Variants in SBK1 observed in about 807,000 individuals in gnomAD.
SBK1 encodes the protein SH3 domain binding kinase 1, also known as serine/threonine-protein kinase SBK1.
In SBK1, 11 loss-of-function variants were observed where a neutral mutation model predicts 24.4. The ratio of observed to expected loss-of-function variants is 0.45; its 90% CI spans 0.28 to 0.75. The LOEUF (loss-of-function observed/expected upper bound fraction) is 0.75. SBK1 is among the 30% of genes least tolerant of loss of function. The probability of loss-of-function intolerance (pLI) is 0.12; values close to 1 mark genes in which losing one functional copy is unlikely to be tolerated. For missense variants in SBK1, 467 were observed against 620.5 expected, an observed-to-expected ratio of 0.75 and a Z score of 2.63; for synonymous variants, 308 against 284.4, an observed-to-expected ratio of 1.08 and a Z score of -0.83.
intron 1 of SBK1, among the ~76,000 whole-genome samples, chr16:28,260,149 G>A (rs879540629): frequency 2.0e-5 from 3 of 152,206 alleles, no homozygotes; most frequent in South Asian, 2.1e-4. Context: ...GTGTGGCTGC[G>A]TGACTGGGTA....
At chr16:28,270,186 A>G (rs577902728) in intron 1 of SBK1, among the ~76,000 whole-genome samples, 26 of 151,610 alleles carry the variant, frequency 1.7e-4, no homozygotes, top group Middle Eastern at 3.4e-3. Flanking sequence ...CTCAGCCTCA[A>G]GAGTAGCTGG....
upstream of SBK1, among the ~76,000 whole-genome samples, chr16:28,289,827 C>T (rs904957520): frequency 2.7e-5 from 4 of 147,518 alleles, no homozygotes; most frequent in Non-Finnish European, 6.0e-5. Flanking sequence ...GGCTCACACT[C>T]GCAATCCCAG....
chr16:28,277,217 G>C (rs1469614465), intron 1 of SBK1, among the ~76,000 whole-genome samples: 1 of 151,870 alleles, frequency 6.6e-6, no homozygotes, highest in African/African-American at 2.4e-5. Flanking sequence ...TCTGAGGTTT[G>C]TACCCCACAA....
chr16:28,276,044 C>T (rs958622329), intron 1 of SBK1, among the ~76,000 whole-genome samples: 3 of 152,096 alleles, frequency 2.0e-5, no homozygotes, highest in East Asian at 1.9e-4. Flanking sequence ...GCCACTGAAG[C>T]GGATGGAAGA....
chr16:28,311,100 G>A (rs555257672), intron 1 of SBK1, among the ~76,000 whole-genome samples: 173 of 152,192 alleles, frequency 1.1e-3, no homozygotes, highest in Non-Finnish European at 1.4e-3. Context: ...AAGAAGGAGG[G>A]AGGGGACAGT....
Position 28,320,928 on chromosome 16 carries a change from T to C in SBK1, c.*7T>C. ...CATCGAGATCTGCGTCTGAGTCGCC[T>C]CCGCCGCCCTCGGACCCGGGAGCAG... On this transcript the variant is annotated 3_prime_UTR_variant, in exon 4 of 4. Transcript: ENST00000341901. This position sits in a 1 kb window ranked among gnomAD's most constrained non-coding sequence, Gnocchi z 8.5. The C allele has an allele frequency of 7.0e-7, 1 of 1,436,392 alleles. No homozygotes were observed. Among genetic ancestry groups the C allele is most frequent in the Non-Finnish European group, 9.1e-7 (1 of 1,098,204 alleles). The allele number at this position is 1,436,392 out of a possible 1,614,324, so 89.0% of individuals were successfully genotyped here.
intron 1 of SBK1, chr16:28,285,929 T>G (rs2044563151): frequency 6.6e-6 from 1 of 152,282 alleles, no homozygotes; most frequent in Admixed American, 6.5e-5. Flanking sequence ...AGAAGCAGGT[T>G]CTTTCCCTGG....
chr16:28,297,239 G>A (rs1284887651), intron 1 of SBK1, among the ~76,000 whole-genome samples: 1 of 152,152 alleles, frequency 6.6e-6, no homozygotes, highest in Non-Finnish European at 1.5e-5. Context: ...GCTGAGGCAG[G>A]AGAATTGGTT....
intron 1 of SBK1, among the ~76,000 whole-genome samples, chr16:28,311,188 C>T (rs1352130856): frequency 6.6e-6 from 1 of 152,068 alleles, no homozygotes; most frequent in South Asian, 2.1e-4. Context: ...AGCCCCTGCC[C>T]CTGGGGAGCT....
chr16:28,285,221 G>C (rs2044558204), intron 1 of SBK1: 1 of 152,184 alleles, frequency 6.6e-6, no homozygotes, highest in Non-Finnish European at 1.5e-5. Flanking sequence ...TTACAGGTGT[G>C]AGCCACAGCA....
chr16:28,283,212 T>C (rs1381874505), intron 1 of SBK1, among the ~76,000 whole-genome samples: 2 of 152,142 alleles, frequency 1.3e-5, no homozygotes, highest in African/African-American at 4.8e-5. Flanking sequence ...ATTACAAGTA[T>C]GAGCCACCGC....
intron 1 of SBK1, among the ~76,000 whole-genome samples, chr16:28,279,187 G>A (rs1266463709): frequency 2.7e-5 from 4 of 148,804 alleles, no homozygotes; most frequent in Admixed American, 1.4e-4. Context: ...AGCCTGCTGG[G>A]TGACACAGCG....
At chr16:28,278,029 T>C (rs1391370988) in intron 1 of SBK1, among the ~76,000 whole-genome samples, 1 of 152,258 alleles carries the variant, frequency 6.6e-6, no homozygotes. Flanking sequence ...GTGACCCTGT[T>C]TGGTCAGCCA....
At position 28,278,884 on chromosome 16, in the gene SBK1, T is replaced by C. The variant is rs1255667832; in HGVS notation, c.257+19382T>C. Among the ~76,000 whole-genome samples the C allele has an allele frequency of 2.0e-5, 3 of 152,228 alleles. No individual in the cohort carries two copies. The East Asian group carries it at 5.8e-4, about 29-fold the overall frequency. On this transcript the variant is annotated intron_variant, in intron 1 of 3. Coordinates refer to the SBK1 transcript ENST00000671413. Reference sequence around the variant, plus strand: ...ACGTGGTCCAGGCACCTGTGAGGTCTGCACTTGCCCCATCAACCTCCCTGT... The same window carrying C: ...ACGTGGTCCAGGCACCTGTGAGGTCCGCACTTGCCCCATCAACCTCCCTGT...
intron 1 of SBK1, among the ~76,000 whole-genome samples, chr16:28,311,403 T>G (rs2044753939): frequency 6.6e-6 from 1 of 151,948 alleles, no homozygotes; most frequent in South Asian, 2.1e-4. Context: ...GAGAGACTCT[T>G]CAGGAATTGA....
intron 1 of SBK1, among the ~76,000 whole-genome samples, chr16:28,314,525 C>T (rs1037643405): frequency 3.9e-5 from 6 of 152,002 alleles, no homozygotes; most frequent in African/African-American, 1.2e-4. Context: ...AGTAACTTGC[C>T]CAAGGACATC....
At chr16:28,284,109 C>T (rs764971203) in intron 1 of SBK1, among the ~76,000 whole-genome samples, 15 of 152,204 alleles carry the variant, frequency 9.9e-5, no homozygotes, top group Middle Eastern at 3.2e-3. Context: ...GGTAACACGA[C>T]GCTTGTCGCT....
chr16:28,317,269 G>A lies in SBK1; in HGVS notation c.-7-116G>A. ...CTTGTCGCCCCCTTGTGGTTATCTT[G>A]GGCCTGGCATCCGGGCCCATCCTCA... is the stretch of plus-strand genomic sequence containing the variant. On this transcript the variant is annotated intron_variant, in intron 1 of 3. Coordinates refer to ENST00000341901, the MANE Select transcript of SBK1 (RefSeq NM_001024401.3). This position sits in a 1 kb window ranked among gnomAD's most constrained non-coding sequence, Gnocchi z 4.2. The A allele has an allele frequency of 1.4e-6, 1 of 726,460 alleles. No homozygotes were observed. Among genetic ancestry groups the A allele is most frequent in the Non-Finnish European group, 2.3e-6 (1 of 435,084 alleles). The allele number at this position is 726,460 out of a possible 1,614,324, so 45.0% of individuals were successfully genotyped here.
chr16:28,280,594 TTCAG>T (rs1478228851), intron 1 of SBK1, among the ~76,000 whole-genome samples: 1 of 151,978 alleles, frequency 6.6e-6, no homozygotes, highest in East Asian at 1.9e-4. Flanking sequence ...CAGTGGTGAC[TTCAG>T]TCCCAGGTGT....
Sources: allele counts gnomAD v4.1 joint callset (sites outside exome capture counted in the v4.1 genomes callset), GRCh38; gene constraint gnomAD v4.1.1; non-coding constraint Gnocchi (gnomAD v3.1); transcripts MANE v1.5; gene names NCBI Gene and HGNC (gene_info 2026-07-23, HGNC 2026-07-21).